KCNG2: variants seen among roughly 807,000 people sequenced by gnomAD.
KCNG2 encodes the protein potassium voltage-gated channel modifier subfamily G member 2, also known as voltage-gated potassium channel regulatory subunit KCNG2.
KCNG2 carries 7 observed loss-of-function variants against 12.3 expected under a neutral mutation model. The observed-to-expected ratio is 0.57, with a 90% CI of 0.32 to 1.07. The LOEUF is 1.07. KCNG2 is among the 50% of genes least tolerant of loss of function. The pLI is 0.04. For missense variants in KCNG2, 703 were observed against 726.0 expected (o/e 0.97, Z 0.36); for synonymous variants, 414 against 351.4 (o/e 1.18, Z -1.99).
chr18:79,874,696 T>C (rs1297621709), intron 3 of KCNG2, among the ~76,000 whole-genome samples: 6 of 152,188 alleles, frequency 3.9e-5, no homozygotes, highest in African/African-American at 9.7e-5. Context: ...CCTTGCCGCA[T>C]CAACTGGGGT....
intron 3 of KCNG2, among the ~76,000 whole-genome samples, chr18:79,885,459 G>C (rs1326431163): frequency 1.3e-5 from 2 of 152,208 alleles, no homozygotes; most frequent in African/African-American, 4.8e-5. Flanking sequence ...ACCACGGGCA[G>C]ACCCGGTCCA....
chr18:79,836,597 T>A (rs913277402), intron 1 of KCNG2, among the ~76,000 whole-genome samples: 10 of 152,314 alleles, frequency 6.6e-5, no homozygotes, highest in Non-Finnish European at 8.8e-5. Context: ...GAAAAAAGGT[T>A]GAATTGACTC....
chr18:79,873,460 C>T (rs969715518), intron 3 of KCNG2, among the ~76,000 whole-genome samples: 7 of 145,930 alleles, frequency 4.8e-5, no homozygotes, highest in African/African-American at 7.4e-5. Flanking sequence ...TCAGTCTTCC[C>T]AGATCCTCTG....
At chr18:79,815,839 C>T (rs911246603) in intron 1 of KCNG2, among the ~76,000 whole-genome samples, 51 of 152,216 alleles carry the variant, frequency 3.4e-4, no homozygotes, top group Non-Finnish European at 2.9e-5. Context: ...CTGTGTGCCC[C>T]GATGGCACCC....
chr18:79,843,179 G>T (rs1417062017), intron 1 of KCNG2, among the ~76,000 whole-genome samples: 2 of 152,060 alleles, frequency 1.3e-5, no homozygotes, highest in Non-Finnish European at 2.9e-5. Flanking sequence ...AACCTTGCAG[G>T]CCAGGAGAGA....
chr18:79,864,258 C>T lies in KCNG2; in HGVS notation c.591C>T (p.Ser197=), dbSNP rs761476602. The change falls in exon 3 of 4, where the codon AGC becomes AGT. Residue 197 remains serine (S), a synonymous_variant. Transcript: ENST00000316249. ...VAVTAVGLCL[S]TMPDIRAEEE... ...TCACGGCCGTGGGCCTCTGCCTGAGCACCATGCCGGACATCCGCGCCGAGG... is the reference window on the plus strand; with the variant it reads ...TCACGGCCGTGGGCCTCTGCCTGAGTACCATGCCGGACATCCGCGCCGAGG... 1.3e-5 allele frequency: 20 copies of T among 1,547,652 alleles called. 1 individual carries two copies. In the South Asian group the frequency reaches 2.1e-4, roughly 17 times the overall value.
chr18:79,823,315 C>T (rs62096708), intron 1 of KCNG2, among the ~76,000 whole-genome samples: 14,175 of 152,264 alleles, frequency 0.093, 850 homozygotes, highest in Non-Finnish European at 0.14. Flanking sequence ...CTGCTGTGAA[C>T]ACCACATGTG....
chr18:79,844,220 G>GAC (rs765355891), intron 1 of KCNG2, among the ~76,000 whole-genome samples: 1 of 152,040 alleles, frequency 6.6e-6, no homozygotes, highest in African/African-American at 2.4e-5. Flanking sequence ...TACACACAGA[G>GAC]ACACACACAC....
chr18:79,874,095 G>A (rs1347279946), intron 3 of KCNG2, among the ~76,000 whole-genome samples: 1 of 152,196 alleles, frequency 6.6e-6, no homozygotes, highest in East Asian at 1.9e-4. Context: ...TGACTGCCTC[G>A]GGAATCCTTG....
intron 1 of KCNG2, among the ~76,000 whole-genome samples, chr18:79,840,350 TATA>T (rs1312590110): frequency 6.6e-6 from 1 of 152,144 alleles, no homozygotes; most frequent in Non-Finnish European, 1.5e-5. Context: ...AAACATAGAA[TATA>T]ATACCCTTTA....
chr18:79,899,018 C>T (rs1981084323), intron 3 of KCNG2, 22 bp from the exon 4 acceptor site: 3 of 1,513,230 alleles, frequency 2.0e-6, no homozygotes, highest in South Asian at 1.3e-5. Context: ...CGCCCCCAAC[C>T]CCGTGTCCCC....
At chr18:79,861,737 C>T (rs1979229297) in intron 2 of KCNG2, among the ~76,000 whole-genome samples, 1 of 152,196 alleles carries the variant, frequency 6.6e-6, no homozygotes, top group Admixed American at 6.5e-5. Context: ...TCCCTGTTCC[C>T]TCTTTCCTTT....
chr18:79,814,001 A>G (rs2087510705), intron 1 of KCNG2, among the ~76,000 whole-genome samples: 1 of 152,210 alleles, frequency 6.6e-6, no homozygotes, highest in Non-Finnish European at 1.5e-5. Flanking sequence ...AGCAGGTGCA[A>G]AGACACCTAG....
In KCNG2 at chr18:79,822,588, G is replaced by A. The variant is rs1239364097; in HGVS notation, c.-115+24574G>A. Among the ~76,000 whole-genome samples the A allele has an allele frequency of 6.6e-6, 1 of 152,082 alleles. No individual in the cohort carries two copies. The highest frequency in any genetic ancestry group is 1.9e-4 in the East Asian group (1 of 5,172). On this transcript the variant is annotated intron_variant, in intron 1 of 3. Transcript: ENST00000316249. The surrounding 1 kb of genome is among the most constrained non-coding windows in gnomAD (Gnocchi z 4.4). The stretch of plus-strand genomic sequence containing the variant: ...CGAGTAGCTGGGGCCACAGGCGTGA[G>A]CCACCATGCCTGGCTAATTTTTGTA...
chr18:79,895,225 C>T (rs942302601), intron 3 of KCNG2, among the ~76,000 whole-genome samples: 1 of 151,884 alleles, frequency 6.6e-6, no homozygotes, highest in African/African-American at 2.4e-5. Context: ...TCTGTGTCTG[C>T]TTTTGATTGG....
At chr18:79,867,589 C>A (rs922533366) in intron 3 of KCNG2, among the ~76,000 whole-genome samples, 1 of 84,562 alleles carries the variant, frequency 1.2e-5, no homozygotes, top group African/African-American at 4.9e-5. Context: ...CAGTGTGTGT[C>A]GTGTCTGGGG....
intron 1 of KCNG2, among the ~76,000 whole-genome samples, chr18:79,855,248 T>G (rs1978969724): frequency 6.6e-6 from 1 of 152,184 alleles, no homozygotes; most frequent in Non-Finnish European, 1.5e-5. Flanking sequence ...CCATGAGGCT[T>G]GAACTGAGAG....
intron 1 of KCNG2, among the ~76,000 whole-genome samples, chr18:79,824,697 T>TA (rs2087598873): frequency 6.6e-6 from 1 of 152,216 alleles, no homozygotes; most frequent in African/African-American, 2.4e-5. Context: ...CATCAAAGGC[T>TA]GCTTGGTATC....
intron 3 of KCNG2, among the ~76,000 whole-genome samples, chr18:79,875,364 C>G (rs1980026789): frequency 6.6e-6 from 1 of 152,172 alleles, no homozygotes; most frequent in Admixed American, 6.5e-5. Flanking sequence ...TCCCCTTGGT[C>G]TAGCACCACC....
Sources: gnomAD v4.1 joint callset for allele counts (sites outside exome capture counted in the v4.1 genomes callset) on GRCh38, gnomAD v4.1.1 for gene constraint, Gnocchi (gnomAD v3.1) non-coding constraint, MANE v1.5 for transcripts, NCBI Gene and HGNC (gene_info 2026-07-23, HGNC 2026-07-21) for gene names.